Variants in FBLN5 observed in about 807,000 individuals in gnomAD.
FBLN5 encodes the protein fibulin 5.
In FBLN5, 24 loss-of-function variants were observed where a neutral mutation model predicts 61.6. That is an observed-to-expected ratio of 0.39 (90% CI 0.28 to 0.55). FBLN5 has a LOEUF of 0.55. FBLN5 is among the 20% of genes least tolerant of loss of function. The probability of loss-of-function intolerance (pLI) is 0.65; values close to 1 mark genes in which losing one functional copy is unlikely to be tolerated. For synonymous variants in FBLN5, 213 were observed against 219.8 expected, an observed-to-expected ratio of 0.97 and a Z score of 0.27; for missense variants, 470 against 594.1, an observed-to-expected ratio of 0.79 and a Z score of 2.17.
At chr14:91,887,069 G>T in intron 7 of FBLN5, 124 bp downstream of exon 7, 1 of 1,045,906 alleles carries the variant, frequency 9.6e-7, no homozygotes, top group Non-Finnish European at 1.5e-6. Flanking sequence ...TGCCCTGGAG[G>T]ATGTCCCAAA....
intron 4 of FBLN5, among the ~76,000 whole-genome samples, chr14:91,917,615 A>T (rs1421749182): frequency 2.6e-5 from 4 of 151,690 alleles, no homozygotes; most frequent in Non-Finnish European, 1.5e-5. Context: ...GAAAGAAAAA[A>T]CAAAATACGT....
At position 91,944,862 on chromosome 14, in the gene FBLN5, C is replaced by G. The variant is rs1935809500; in HGVS notation, c.18-1901G>C. 2.0e-5 allele frequency among the ~76,000 whole-genome samples: 3 copies of G among 152,302 alleles called. No homozygotes were observed. In the South Asian group the frequency reaches 6.2e-4, roughly 32 times the overall value. On this transcript the variant is annotated intron_variant, in intron 1 of 10. Transcript: ENST00000342058. ...TCAGTCATGCAAGGTGAAAAGAGTT[C>G]TGGAGATTGCACAGCAATGTGAATG...
Position 91,877,701 on chromosome 14 carries a change from C to T in FBLN5, c.990-19G>A, listed in dbSNP as rs548464113. ...ACAGCGGCTGTGGAAAGGGAAATCA[C>T]GTGAGAACTCAAGAAATCCATTCCA... On this transcript the variant is annotated intron_variant, in intron 9 of 10. Transcript: ENST00000342058. 87 of 1,606,036 alleles carry T rather than the reference C, an allele frequency of 5.4e-5. No individual in the cohort carries two copies. Among genetic ancestry groups the T allele is most frequent in the Non-Finnish European group, 6.7e-5 (79 of 1,172,802 alleles).
intron 4 of FBLN5, among the ~76,000 whole-genome samples, chr14:91,918,174 G>C (rs1187763638): frequency 6.6e-6 from 1 of 152,234 alleles, no homozygotes; most frequent in African/African-American, 2.4e-5. Context: ...TGCCTCATCT[G>C]ATGGTACATT....
intron 4 of FBLN5, among the ~76,000 whole-genome samples, chr14:91,911,439 G>A (rs960048817): frequency 6.6e-6 from 1 of 152,230 alleles, no homozygotes; most frequent in African/African-American, 2.4e-5. Flanking sequence ...CACAGTACCA[G>A]GCACAGAATT....
chr14:91,913,784 T>G (rs1295516760), intron 4 of FBLN5, among the ~76,000 whole-genome samples: 1 of 152,230 alleles, frequency 6.6e-6, no homozygotes, highest in African/African-American at 2.4e-5. Context: ...CCCTATGTCC[T>G]GATGACAACG....
chr14:91,880,530 T>TGC, intron 9 of FBLN5, among the ~76,000 whole-genome samples: 1 of 38,714 alleles, frequency 2.6e-5, no homozygotes, highest in East Asian at 4.7e-4. Context: ...TGCGTGCGTG[T>TGC]GTGTGTGTGT....
chr14:91,875,579 G>A (rs1329502205), intron 10 of FBLN5, among the ~76,000 whole-genome samples: 1 of 152,164 alleles, frequency 6.6e-6, no homozygotes, highest in African/African-American at 2.4e-5. Flanking sequence ...AGCTTTGGGG[G>A]CTCTGCTCCT....
chr14:91,871,622 C>T (rs527611947), intron 10 of FBLN5, among the ~76,000 whole-genome samples: 27 of 152,186 alleles, frequency 1.8e-4, no homozygotes, highest in South Asian at 1.0e-3. Context: ...TTTGGGAGGC[C>T]GAGGTGGGCG....
At chr14:91,881,477 T>C (rs1187020278) in intron 8 of FBLN5, 59 bp from the exon 9 acceptor site, 1 of 1,601,014 alleles carries the variant, frequency 6.2e-7, no homozygotes, top group African/African-American at 1.3e-5. Flanking sequence ...GCCAGACGCG[T>C]GGGGGTGGGG....
chr14:91,913,673 A>C (rs200670707), intron 4 of FBLN5, among the ~76,000 whole-genome samples: 1 of 152,246 alleles, frequency 6.6e-6, no homozygotes, highest in East Asian at 1.9e-4. Flanking sequence ...ATGTTCACTC[A>C]ACTATCATTC....
At chr14:91,922,328 AAAT>A (rs2055751745) in intron 4 of FBLN5, among the ~76,000 whole-genome samples, 2 of 149,376 alleles carry the variant, frequency 1.3e-5, no homozygotes, top group Non-Finnish European at 1.5e-5. Context: ...ATAAATAAAT[AAAT>A]AAATAAATAA....
In FBLN5 at chr14:91,943,338, A is replaced by T. The variant is rs1047192423; in HGVS notation, c.18-377T>A. ...AGCCTGGGCAACATGGTGAAACCCC[A>T]TTTCTACAAAATTAAAAAAAAAATT... On this transcript the variant is annotated intron_variant, in intron 1 of 10. Transcript: ENST00000342058. This position sits in a 1 kb window ranked among gnomAD's most constrained non-coding sequence, Gnocchi z 4.0. Among the ~76,000 whole-genome samples, 2 of 151,796 alleles carry T rather than the reference A, an allele frequency of 1.3e-5. No homozygotes were observed. The highest frequency in any genetic ancestry group is 4.8e-5 in the African/African-American group (2 of 41,288).
intron 9 of FBLN5, among the ~76,000 whole-genome samples, chr14:91,880,247 A>C (rs916957387): frequency 6.6e-6 from 1 of 152,182 alleles, no homozygotes; most frequent in African/African-American, 2.4e-5. Context: ...GATTGGAAGC[A>C]TTCATTTCAC....
chr14:91,908,833 T>C (rs976423100), intron 4 of FBLN5, among the ~76,000 whole-genome samples: 2 of 152,090 alleles, frequency 1.3e-5, no homozygotes, highest in African/African-American at 4.8e-5. Context: ...CATAAGAGTG[T>C]CTTTGGAGGC....
intron 10 of FBLN5, among the ~76,000 whole-genome samples, chr14:91,870,650 C>A (rs1888880474): frequency 6.6e-6 from 1 of 152,250 alleles, no homozygotes; most frequent in Admixed American, 6.5e-5. Context: ...TCTGACGCTG[C>A]AGCCTTTACT....
chr14:91,893,302 T>C (rs180678472), intron 5 of FBLN5, among the ~76,000 whole-genome samples: 140 of 152,366 alleles, frequency 9.2e-4, no homozygotes, highest in African/African-American at 3.1e-3. Flanking sequence ...GATCTGCTTA[T>C]GTTCAAATAA....
intron 4 of FBLN5, among the ~76,000 whole-genome samples, chr14:91,931,240 AG>A (rs2055917501): frequency 6.6e-6 from 1 of 152,164 alleles, no homozygotes. Context: ...ATACCATCTC[AG>A]GAACTCATCA....
At position 91,883,178 on chromosome 14, in the gene FBLN5, A is replaced by G. The variant is rs1889557525; in HGVS notation, c.740-102T>C. The G allele has an allele frequency of 4.4e-6, 6 of 1,363,800 alleles. No individual in the cohort carries two copies. The Admixed American group carries it at 1.0e-4, about 23-fold the overall frequency. 84.5% of individuals were successfully genotyped at this position (1,363,800 alleles called of 1,614,324 possible). ...ACTCTCACACTGTCTTGATACATAC[A>G]ATGGCTTTACTGCCAAGAAGCTGTC... On this transcript the variant is annotated intron_variant, in intron 7 of 10. Transcript: ENST00000342058.
Sources: allele counts gnomAD v4.1 joint callset (sites outside exome capture counted in the v4.1 genomes callset), GRCh38; gene constraint gnomAD v4.1.1; non-coding constraint Gnocchi (gnomAD v3.1); transcripts MANE v1.5; gene names NCBI Gene and HGNC (gene_info 2026-07-23, HGNC 2026-07-21).